Variants in PLEKHH2 observed in about 807,000 individuals in gnomAD.
The protein encoded by PLEKHH2 is pleckstrin homology domain-containing family H member 2.
In PLEKHH2, 129 loss-of-function variants were observed where a neutral mutation model predicts 187.9. The observed-to-expected ratio is 0.69, with a 90% CI of 0.59 to 0.79. The LOEUF (loss-of-function observed/expected upper bound fraction) is 0.79. Ranked by LOEUF, PLEKHH2 falls within the 30% of genes least tolerant of loss-of-function variation. The probability of loss-of-function intolerance (pLI) is 0.00; values close to 1 mark genes in which losing one functional copy is unlikely to be tolerated. For missense variants in PLEKHH2, 2,076 were observed against 1,751.2 expected (o/e 1.19, Z -3.31); for synonymous variants, 686 against 605.6 (o/e 1.13, Z -1.95).
At chr2:43,692,755 T>G (rs991726070) in intron 4 of PLEKHH2, 92 bp downstream of exon 4, 20 of 1,380,054 alleles carry the variant, frequency 1.4e-5, no homozygotes, top group Non-Finnish European at 2.0e-6. Context: ...ATTTCTATAT[T>G]TGGGGAGAAA....
intron 15 of PLEKHH2, among the ~76,000 whole-genome samples, chr2:43,718,870 T>C (rs1670338148): frequency 6.6e-6 from 1 of 152,238 alleles, no homozygotes; most frequent in African/African-American, 2.4e-5. Flanking sequence ...AGACATTTTT[T>C]GTTTTCTCTC....
At chr2:43,686,288 C>G (rs994727376) in intron 3 of PLEKHH2, among the ~76,000 whole-genome samples, 1 of 152,134 alleles carries the variant, frequency 6.6e-6, no homozygotes, top group Non-Finnish European at 1.5e-5. Context: ...CCTCTGCCTC[C>G]CGGGTTCAAG....
intron 16 of PLEKHH2, among the ~76,000 whole-genome samples, chr2:43,723,027 T>A (rs1274876984): frequency 3.9e-5 from 6 of 152,220 alleles, no homozygotes; most frequent in African/African-American, 1.4e-4. Flanking sequence ...CCACTAGGTC[T>A]GTTTGCTGCT....
chr2:43,708,673 G>C (rs1669793288), intron 11 of PLEKHH2, among the ~76,000 whole-genome samples: 1 of 152,146 alleles, frequency 6.6e-6, no homozygotes, highest in African/African-American at 2.4e-5. Context: ...TATTTTTGTT[G>C]TTTGCTCTAT....
chr2:43,658,134 A>G (rs1253070481), intron 2 of PLEKHH2, among the ~76,000 whole-genome samples: 1 of 152,302 alleles, frequency 6.6e-6, no homozygotes, highest in East Asian at 1.9e-4. Context: ...GGCCTTAGGC[A>G]ATTATTCTGC....
Position 43,702,527 on chromosome 2 carries a change from C to CTTTTTTTTTTTTTTTT in PLEKHH2, c.1651-1447_1651-1432dup, listed in dbSNP as rs1167078689. 2.6e-4 allele frequency among the ~76,000 whole-genome samples: 15 copies of CTTTTTTTTTTTTTTTT among 57,394 alleles called. 1 individual carries two copies. The highest frequency in any genetic ancestry group is 4.8e-4 in the African/African-American group (5 of 10,490). 37.7% of individuals were successfully genotyped at this position (57,394 alleles called of 152,430 possible). ...TTTTATTTGGCAACCCATTCTACTA[C>CTTTTTTTTTTTTTTTT]TTTTTTTTTTTTTTTTTTTTTTCCA... On this transcript the variant is annotated intron_variant, in intron 8 of 29. Transcript: ENST00000282406.
At chr2:43,648,910 T>A (rs1437520655) in intron 2 of PLEKHH2, among the ~76,000 whole-genome samples, 1 of 152,210 alleles carries the variant, frequency 6.6e-6, no homozygotes, top group Non-Finnish European at 1.5e-5. Context: ...ATAGCAGATG[T>A]ATTTCTGAAT....
intron 2 of PLEKHH2, among the ~76,000 whole-genome samples, chr2:43,650,144 CTTTT>C (rs70965311): frequency 7.3e-5 from 7 of 95,664 alleles, no homozygotes; most frequent in Admixed American, 1.2e-4. Context: ...TTTTTCTTTC[CTTTT>C]TTTTTTTTTT....
chr2:43,743,156 G>A (rs558351573), intron 22 of PLEKHH2, among the ~76,000 whole-genome samples: 1 of 152,178 alleles, frequency 6.6e-6, no homozygotes, highest in Admixed American at 6.5e-5. Context: ...TTATGATTCT[G>A]ATGGACAGAA....
Position 43,704,021 on chromosome 2 carries a change from T to A in PLEKHH2, c.1691T>A (p.Met564Lys), listed in dbSNP as rs147942163. ...GCTGTAGCCAAATCAGGTATTCGAA[T>A]GTCTGAGGCCTTCAATATGGAGAGT... ...IYAVAKSGIRMSEAFNMESVN... is the reference protein window; with the variant it reads ...IYAVAKSGIRKSEAFNMESVN... The change falls in exon 9 of 30, where the codon ATG becomes AAG. Residue 564 changes from methionine to lysine, a missense_variant. Coordinates refer to ENST00000282406, the MANE Select transcript of PLEKHH2 (RefSeq NM_172069.4). 1 of 1,606,042 alleles carries A rather than the reference T, an allele frequency of 6.2e-7. No individual in the cohort carries two copies. The highest frequency in any genetic ancestry group is 1.1e-5 in the South Asian group (1 of 90,832).
chr2:43,759,658 C>T (rs116207584), intron 27 of PLEKHH2, among the ~76,000 whole-genome samples: 283 of 152,284 alleles, frequency 1.9e-3, no homozygotes, highest in Middle Eastern at 3.4e-3. Context: ...TAAGATACAT[C>T]TTGCCTTGTG....
At chr2:43,730,053 C>A (rs1023682412) in intron 18 of PLEKHH2, among the ~76,000 whole-genome samples, 1 of 152,098 alleles carries the variant, frequency 6.6e-6, no homozygotes, top group Admixed American at 6.6e-5. Context: ...CTTAGGAGAT[C>A]CCCCAGCCAG....
chr2:43,675,728 G>A (rs367771129), intron 2 of PLEKHH2: 42 of 1,613,774 alleles, frequency 2.6e-5, no homozygotes, highest in Non-Finnish European at 3.3e-5. Context: ...GAGTTATCGA[G>A]AAGTCTGTTA....
At chr2:43,720,610 A>G in intron 15 of PLEKHH2, 59 bp from the exon 16 acceptor site, 3 of 1,590,596 alleles carry the variant, frequency 1.9e-6, no homozygotes, top group Non-Finnish European at 2.6e-6. Context: ...TGTATAAGCT[A>G]TAATTTAAGG....
At chr2:43,657,629 G>C (rs553571046) in intron 2 of PLEKHH2, among the ~76,000 whole-genome samples, 2 of 152,204 alleles carry the variant, frequency 1.3e-5, no homozygotes, top group Non-Finnish European at 2.9e-5. Flanking sequence ...ACATGGGATA[G>C]GAGTTACTGG....
intron 19 of PLEKHH2, among the ~76,000 whole-genome samples, chr2:43,735,626 A>AT (rs1158450878): frequency 6.6e-6 from 1 of 152,226 alleles, no homozygotes; most frequent in African/African-American, 2.4e-5. Flanking sequence ...GGTAGTGGGT[A>AT]TCCCAATTCC....
At chr2:43,668,064 GC>G (rs1667305733) in intron 2 of PLEKHH2, among the ~76,000 whole-genome samples, 1 of 152,036 alleles carries the variant, frequency 6.6e-6, no homozygotes, top group South Asian at 2.1e-4. Context: ...ATGAAGTCCG[GC>G]TCTGTCACCC....
At chr2:43,701,318 C>G (rs1050945590) in intron 8 of PLEKHH2, among the ~76,000 whole-genome samples, 4 of 152,174 alleles carry the variant, frequency 2.6e-5, no homozygotes, top group Non-Finnish European at 5.9e-5. Flanking sequence ...AGGAAGTTGC[C>G]AGGCTCTGCA....
intron 15 of PLEKHH2, among the ~76,000 whole-genome samples, chr2:43,716,528 T>A (rs1670217935): frequency 6.6e-6 from 1 of 152,192 alleles, no homozygotes; most frequent in Non-Finnish European, 1.5e-5. Context: ...ACTTTCTGAT[T>A]TGAGTTTTTA....
Sources: allele counts gnomAD v4.1 joint callset (sites outside exome capture counted in the v4.1 genomes callset), GRCh38; gene constraint gnomAD v4.1.1; transcripts MANE v1.5; gene names NCBI Gene and HGNC (gene_info 2026-07-23, HGNC 2026-07-21).